The following VCF2 variants were observed in gnomAD, a reference collection of about 807,000 sequenced individuals.
The protein encoded by VCF2 is protein VCF2.
chrX:55,146,143 G>A, the VCF2 span: 2 of 1,211,192 alleles, frequency 1.7e-6, no homozygotes, highest in Non-Finnish European at 2.2e-6. Context: ...TTCAAGGTCT[G>A]GTTGATATGG....
At chrX:55,150,228 G>GTACA in the VCF2 span, among the ~76,000 whole-genome samples, 1 of 111,739 alleles carries the variant, frequency 8.9e-6, no homozygotes, top group Middle Eastern at 4.2e-3. Context: ...ATATGTCTTG[G>GTACA]TACATGTCAG....
the VCF2 span, chrX:55,143,921 A>G: frequency 3.2e-6 from 3 of 925,446 alleles, no homozygotes; most frequent in Admixed American, 6.7e-5. Flanking sequence ...TACTAGGACA[A>G]GAGATTTACA....
chrX:55,151,306 T>C, the VCF2 span, among the ~76,000 whole-genome samples: 1 of 112,420 alleles, frequency 8.9e-6, no homozygotes, highest in Non-Finnish European at 1.9e-5. Flanking sequence ...TTGAGAAAGC[T>C]GGCCTCATAT....
At chrX:55,146,277 C>T in the VCF2 span, 21 of 1,209,177 alleles carry the variant, frequency 1.7e-5, no homozygotes, top group South Asian at 3.5e-5. Context: ...GATATTAATG[C>T]GGCTGCTGCT....
At chrX:55,145,628 T>C in the VCF2 span, 4 of 758,250 alleles carry the variant, frequency 5.3e-6, no homozygotes, top group South Asian at 1.3e-4. Context: ...TACTAACTTA[T>C]GGTTTTTTGA....
At chrX:55,151,888 C>CT in the VCF2 span, among the ~76,000 whole-genome samples, 32 of 49,976 alleles carry the variant, frequency 6.4e-4, no homozygotes, top group African/African-American at 1.1e-3. Context: ...GCTGTGCTTT[C>CT]TTTTTTTTTT....
chrX:55,155,789 A>T, the VCF2 span, among the ~76,000 whole-genome samples: 1 of 111,536 alleles, frequency 9.0e-6, no homozygotes, highest in Non-Finnish European at 1.9e-5. Flanking sequence ...AATGAAGGAT[A>T]AATAGAACTG....
At chrX:55,151,539 G>A in the VCF2 span, among the ~76,000 whole-genome samples, 10 of 77,022 alleles carry the variant, frequency 1.3e-4, no homozygotes, top group East Asian at 4.3e-4. Flanking sequence ...ACAAAAGAGC[G>A]TGCACGGCAA....
chrX:55,158,021 G>A, the VCF2 span, among the ~76,000 whole-genome samples: 1 of 112,196 alleles, frequency 8.9e-6, no homozygotes, highest in South Asian at 3.6e-4. Context: ...ATTCCTATAT[G>A]TGCAAACATA....
chrX:55,160,376 T>C, the VCF2 span, among the ~76,000 whole-genome samples: 1 of 112,611 alleles, frequency 8.9e-6, no homozygotes, highest in Non-Finnish European at 1.9e-5. Flanking sequence ...TTACAATACG[T>C]TTGCATTGTT....
chrX:55,145,710 T>G, the VCF2 span: 2 of 762,945 alleles, frequency 2.6e-6, no homozygotes, highest in Non-Finnish European at 3.1e-6. Context: ...TTTTTAAAAA[T>G]GAAGACTTAC....
the VCF2 span, chrX:55,159,294 T>C: frequency 2.2e-6 from 2 of 924,591 alleles, no homozygotes; most frequent in Non-Finnish European, 3.1e-6. Flanking sequence ...GCTTAAATTG[T>C]AAAGCCGTGA....
At chrX:55,149,405 T>C in the VCF2 span, among the ~76,000 whole-genome samples, 2 of 111,542 alleles carry the variant, frequency 1.8e-5, no homozygotes, top group African/African-American at 6.5e-5. Context: ...GAACACCAAG[T>C]CTTGCTAAAT....
At chrX:55,147,771 T>G in the VCF2 span, among the ~76,000 whole-genome samples, 7 of 108,302 alleles carry the variant, frequency 6.5e-5, no homozygotes, top group Non-Finnish European at 1.1e-4. Flanking sequence ...AACACTAGGG[T>G]GATGCTATGC....
At chrX:55,152,861 G>C in the VCF2 span, among the ~76,000 whole-genome samples, 3 of 111,645 alleles carry the variant, frequency 2.7e-5, no homozygotes, top group African/African-American at 9.8e-5. Flanking sequence ...ATCTTCACAG[G>C]TGTCAGACAG....
At chrX:55,154,248 A>G in the VCF2 span, among the ~76,000 whole-genome samples, 4 of 111,866 alleles carry the variant, frequency 3.6e-5, no homozygotes, top group African/African-American at 1.3e-4. Flanking sequence ...TCAGCCTCCC[A>G]AAGTGCAAAT....
chrX:55,160,684 C>G, the VCF2 span: 1 of 538,730 alleles, frequency 1.9e-6, no homozygotes, highest in Non-Finnish European at 3.0e-6. Flanking sequence ...ACCCCAGTAA[C>G]ACGTGGAGAA....
chrX:55,152,272 A>G, the VCF2 span, among the ~76,000 whole-genome samples: 2 of 112,125 alleles, frequency 1.8e-5, no homozygotes, highest in Non-Finnish European at 3.8e-5. Flanking sequence ...CTATTTACAT[A>G]CATAAAACAC....
At chrX:55,148,765 T>C in the VCF2 span, among the ~76,000 whole-genome samples, 1 of 111,906 alleles carries the variant, frequency 8.9e-6, no homozygotes, top group East Asian at 2.8e-4. Flanking sequence ...TCTTAAGGTA[T>C]TGATTTACTC....
Sources: allele counts gnomAD v4.1 joint callset (sites outside exome capture counted in the v4.1 genomes callset), GRCh38; gene constraint gnomAD v4.1.1; transcripts MANE v1.5; gene names NCBI Gene and HGNC (gene_info 2026-07-23, HGNC 2026-07-21).